The following CHST8 variants were observed in gnomAD, a reference collection of about 807,000 sequenced individuals.
CHST8 encodes the protein GALNAC-4-ST1.
CHST8 carries 10 observed loss-of-function variants against 15.0 expected under a neutral mutation model. That is an observed-to-expected ratio of 0.67 (90% confidence interval 0.41 to 1.13). The LOEUF (loss-of-function observed/expected upper bound fraction) is 1.13, where lower values mean the gene tolerates loss of function less well. CHST8 is among the 50% of genes most tolerant of loss of function. CHST8 has a pLI of 0.00. For missense variants in CHST8, 634 were observed against 608.2 expected (o/e 1.04, Z -0.45); for synonymous variants, 259 against 256.6 (o/e 1.01, Z -0.09).
chr19:33,707,514 GTGGTCTATCATATC>G (rs2145288367), intron 3 of CHST8, among the ~76,000 whole-genome samples: 1 of 152,268 alleles, frequency 6.6e-6, no homozygotes, highest in East Asian at 1.9e-4. Context: ...CATACACTGT[GTGGTCTATCATATC>G]TGGTTTCTTT....
intron 1 of CHST8, among the ~76,000 whole-genome samples, chr19:33,650,223 T>A (rs1972417334): frequency 6.6e-6 from 1 of 152,114 alleles, no homozygotes; most frequent in Non-Finnish European, 1.5e-5. Context: ...CAACCTCCCG[T>A]CCCAGCATGG....
intron 2 of CHST8, among the ~76,000 whole-genome samples, chr19:33,673,769 A>G (rs955089930): frequency 2.0e-5 from 3 of 151,254 alleles, no homozygotes; most frequent in Non-Finnish European, 4.4e-5. Context: ...TTTATTTTTT[A>G]TTTTGAGACA....
rs35619221 is a variant in CHST8 at position 33,633,583 on chromosome 19, T to TGG, written c.-164+11293_-164+11294dup. ...TTTTTTATTTTTATTTTTGTAGAGA[T>TGG]GGGGGGGTCTCACTTTGTTGCCCAG... On this transcript the variant is annotated intron_variant, in intron 1 of 4. Transcript: ENST00000650847. Among the ~76,000 whole-genome samples the TGG allele has an allele frequency of 2.5e-3, 371 of 151,080 alleles. 3 individuals carry two copies. Among genetic ancestry groups the TGG allele is most frequent in the African/African-American group, 6.9e-3 (284 of 41,130 alleles).
Position 33,731,012 on chromosome 19 carries a change from T to A in CHST8, c.131-40401T>A, listed in dbSNP as rs549728227. Among the ~76,000 whole-genome samples, 138 of 152,330 alleles carry A rather than the reference T, an allele frequency of 9.1e-4. 1 individual carries two copies. The highest frequency in any genetic ancestry group is 3.0e-3 in the African/African-American group (124 of 41,578). Reference sequence around the variant, plus strand: ...CTGCCTGCTTTATTCTAGCCGTGCTTGCAACTGATTAGATGGTGCCCACCC... The same window carrying A: ...CTGCCTGCTTTATTCTAGCCGTGCTAGCAACTGATTAGATGGTGCCCACCC... On this transcript the variant is annotated intron_variant, in intron 3 of 4. Coordinates refer to ENST00000650847, the MANE Select transcript of CHST8 (RefSeq NM_001127895.2).
At chr19:33,637,813 T>C (rs1382490252) in intron 1 of CHST8, among the ~76,000 whole-genome samples, 2 of 145,068 alleles carry the variant, frequency 1.4e-5, no homozygotes, top group African/African-American at 5.1e-5. Flanking sequence ...CAATGAGCTA[T>C]GATGGCACCA....
intron 3 of CHST8, among the ~76,000 whole-genome samples, chr19:33,694,922 C>T (rs576367858): frequency 1.4e-5 from 2 of 147,224 alleles, no homozygotes; most frequent in African/African-American, 2.5e-5. Context: ...CCTTCCCTCC[C>T]TTCCCCTCCC....
chr19:33,679,405 A>C (rs1972856256), intron 2 of CHST8, among the ~76,000 whole-genome samples: 1 of 152,158 alleles, frequency 6.6e-6, no homozygotes, highest in Non-Finnish European at 1.5e-5. Context: ...CTGTCGAGGG[A>C]ACTTTTAACC....
At chr19:33,666,539 C>T (rs114274701) in intron 1 of CHST8, among the ~76,000 whole-genome samples, 4 of 152,014 alleles carry the variant, frequency 2.6e-5, no homozygotes, top group Admixed American at 6.5e-5. Flanking sequence ...GGCAGGTGGC[C>T]GATGGAGCCC....
intron 1 of CHST8, 26 bp from the exon 2 acceptor site, chr19:33,667,741 A>G (rs996210412): frequency 6.6e-6 from 1 of 152,190 alleles, no homozygotes; most frequent in Non-Finnish European, 1.5e-5. Flanking sequence ...AAAACGTCTC[A>G]GACACATTTA....
chr19:33,653,833 C>T (rs1443461828), intron 1 of CHST8, among the ~76,000 whole-genome samples: 1 of 152,172 alleles, frequency 6.6e-6, no homozygotes, highest in South Asian at 2.1e-4. Flanking sequence ...GTCAGCTCTA[C>T]GTAAACCTTG....
In CHST8 at chr19:33,772,491, C is replaced by G. The variant is rs752320433; in HGVS notation, c.703C>G (p.Arg235Gly). ...NTVHYGSALKRLDTFDRQGIL... is the reference protein window; with the variant it reads ...NTVHYGSALKGLDTFDRQGIL... ...CGTCCACTATGGCAGCGCTCTCAAG[C>G]GCCTGGACACCTTCGACCGCCAGGG... Residue 235 changes from arginine (R) to glycine (G), a missense_variant, in exon 5 of 5, where the codon CGC becomes GGC. Arg to Gly is a moderately radical substitution (Grantham distance 125, BLOSUM62 -2). Coordinates refer to ENST00000650847, the MANE Select transcript of CHST8 (RefSeq NM_001127895.2). The G allele has an allele frequency of 6.2e-7, 1 of 1,613,716 alleles. No individual in the cohort carries two copies. The highest frequency in any genetic ancestry group is 8.5e-7 in the Non-Finnish European group (1 of 1,180,020).
intron 3 of CHST8, among the ~76,000 whole-genome samples, chr19:33,750,103 G>A (rs1377803126): frequency 2.0e-5 from 3 of 152,302 alleles, no homozygotes; most frequent in South Asian, 4.1e-4. Context: ...AGGGCCCCTC[G>A]CCAAGGGGGT....
At chr19:33,703,589 G>A (rs935603487) in intron 3 of CHST8, among the ~76,000 whole-genome samples, 17 of 152,246 alleles carry the variant, frequency 1.1e-4, no homozygotes, top group African/African-American at 3.9e-4. Flanking sequence ...CTTCTGCTGG[G>A]CTCCAACTGC....
At chr19:33,669,790 A>G (rs1972711722) in intron 2 of CHST8, among the ~76,000 whole-genome samples, 2 of 152,170 alleles carry the variant, frequency 1.3e-5, no homozygotes, top group Admixed American at 6.5e-5. Flanking sequence ...TTATTTAACT[A>G]TTAGTTGTGA....
intron 3 of CHST8, among the ~76,000 whole-genome samples, chr19:33,722,504 T>C (rs779816654): frequency 6.6e-6 from 1 of 152,146 alleles, no homozygotes; most frequent in Non-Finnish European, 1.5e-5. Context: ...CTCAACATCA[T>C]CTCCAGAAGC....
chr19:33,640,578 A>G (rs1038370560), intron 1 of CHST8, among the ~76,000 whole-genome samples: 1 of 152,166 alleles, frequency 6.6e-6, no homozygotes, highest in African/African-American at 2.4e-5. Flanking sequence ...CATTATGTGG[A>G]AGTTGGATGC....
intron 4 of CHST8, among the ~76,000 whole-genome samples, 161 bp from the exon 5 acceptor site, chr19:33,771,796 C>T (rs1184502854): frequency 6.6e-6 from 1 of 152,110 alleles, no homozygotes; most frequent in Non-Finnish European, 1.5e-5. Context: ...CTTTGGGTGC[C>T]GGGCCAGGGC....
At position 33,761,857 on chromosome 19, in the gene CHST8, G is replaced by C. The variant is rs1438741536; in HGVS notation, c.131-9556G>C. On this transcript the variant is annotated intron_variant, in intron 3 of 4. Coordinates refer to ENST00000650847, the MANE Select transcript of CHST8 (RefSeq NM_001127895.2). ...CAAAAAAGAAAGGAAGGAAGGAAGTGGGGGAGGGAGAGAGGGAAAGGATAC... is the reference window on the plus strand; with the variant it reads ...CAAAAAAGAAAGGAAGGAAGGAAGTCGGGGAGGGAGAGAGGGAAAGGATAC... 2.6e-5 allele frequency among the ~76,000 whole-genome samples: 4 copies of C among 151,950 alleles called. No individual in the cohort carries two copies. The East Asian group carries it at 7.7e-4, about 29-fold the overall frequency.
In CHST8 at chr19:33,700,942, C is replaced by G. The variant is rs193193980; in HGVS notation, c.130+11551C>G. Among the ~76,000 whole-genome samples, 336 of 152,282 alleles carry G rather than the reference C, an allele frequency of 2.2e-3. 2 individuals carry two copies. The highest frequency in any genetic ancestry group is 7.1e-3 in the African/African-American group (294 of 41,564). ...TGGAGTGCTCCTTGCGTGGTGATTG[C>G]CCAAGTGCCAGAAATAGGCAGGGTC... On this transcript the variant is annotated intron_variant, in intron 3 of 4. Coordinates refer to ENST00000650847, the MANE Select transcript of CHST8 (RefSeq NM_001127895.2).
Sources: allele counts gnomAD v4.1 joint callset (sites outside exome capture counted in the v4.1 genomes callset), GRCh38; gene constraint gnomAD v4.1.1; transcripts MANE v1.5; gene names NCBI Gene and HGNC (gene_info 2026-07-23, HGNC 2026-07-21).